The following TRPV1 variants were observed in gnomAD, a reference collection of about 807,000 sequenced individuals.
TRPV1 encodes transient receptor potential cation channel subfamily V member 1.
In TRPV1, 82 loss-of-function variants were observed where a neutral mutation model predicts 82.3. The observed-to-expected ratio is 1.00, with a 90% CI of 0.83 to 1.20. TRPV1 has a LOEUF of 1.20. TRPV1 is among the 50% of genes most tolerant of loss of function. The probability of loss-of-function intolerance (pLI) is 0.00; values close to 1 mark genes in which losing one functional copy is unlikely to be tolerated. For synonymous variants in TRPV1, 515 were observed against 467.7 expected (o/e 1.10, Z -1.30); for missense variants, 1,067 against 1,096.8 (o/e 0.97, Z 0.38).
Position 3,592,340 on chromosome 17 carries a change from C to A in TRPV1, c.11G>T (p.Trp4Leu). The A allele has an allele frequency of 6.3e-7, 1 of 1,592,542 alleles. No homozygotes were observed. Among genetic ancestry groups the A allele is most frequent in the Non-Finnish European group, 8.6e-7 (1 of 1,169,238 alleles). Residue 4 changes from tryptophan to leucine, a missense_variant, in exon 3 of 17, where the codon TGG (tryptophan) becomes TTG (leucine). Physicochemically the swap from Trp to Leu is moderately conservative, Grantham distance 61. Transcript: ENST00000572705. ...AGCTGCCCCCAAGTCTGTGCTGCTC[C>A]ATTTCTTCATCCTTGCTGGATCCTC... is the stretch of plus-strand genomic sequence containing the variant. The part of the protein sequence containing the change: MKK[W>L]SSTDLGAAAD...
At chr17:3,578,452 C>T (rs2074962817) in intron 11 of TRPV1, 1 of 152,246 alleles carries the variant, frequency 6.6e-6, no homozygotes, top group Non-Finnish European at 1.5e-5. Flanking sequence ...GAGTTCAAGA[C>T]CAGCCTGGCC....
chr17:3,587,813 C>CAAAAAAAAA (rs534094662), intron 8 of TRPV1, among the ~76,000 whole-genome samples: 1 of 80,102 alleles, frequency 1.2e-5, no homozygotes, highest in Admixed American at 1.2e-4. Flanking sequence ...AACTTCGTCT[C>CAAAAAAAAA]AAAAAAAAAA....
intron 2 of TRPV1, among the ~76,000 whole-genome samples, chr17:3,599,787 C>T (rs1307944227): frequency 6.6e-6 from 1 of 152,076 alleles, no homozygotes; most frequent in Non-Finnish European, 1.5e-5. Flanking sequence ...TGCCACCACA[C>T]CCAACTAATT....
At position 3,571,602 on chromosome 17, in the gene TRPV1, C is replaced by T. The variant is rs761226552; in HGVS notation, c.2269G>A (p.Val757Met). 5.0e-6 allele frequency: 8 copies of T among 1,612,544 alleles called. No individual in the cohort carries two copies. The highest frequency in any genetic ancestry group is 1.3e-5 in the African/African-American group (1 of 74,910). Residue 757 changes from valine (V) to methionine (M), a missense_variant, in exon 16 of 17, where the codon GTG becomes ATG. By Grantham distance (21) the Val-to-Met change is conservative. Coordinates refer to ENST00000572705, the MANE Select transcript of TRPV1 (RefSeq NM_080704.4). ...CCCGGGTCTTCGTTGATGATGCCCA[C>T]GTTGGTGTTCCAGGTGGTCCAGTTC... is the stretch of plus-strand genomic sequence containing the variant. ...EVNWTTWNTN[V>M]GIINEDPGNC...
intron 16 of TRPV1, among the ~76,000 whole-genome samples, chr17:3,571,011 C>G (rs2074845000): frequency 6.6e-6 from 1 of 152,226 alleles, no homozygotes; most frequent in South Asian, 2.1e-4. Flanking sequence ...GCCACTGTGC[C>G]CGGCCTCCTT....
chr17:3,573,485 G>T, intron 14 of TRPV1, 148 bp downstream of exon 14: 1 of 866,176 alleles, frequency 1.2e-6, no homozygotes, highest in Non-Finnish European at 1.7e-6. Context: ...GTGCCCAGCT[G>T]GGTAAGGCAG....
chr17:3,590,257 T>A lies in TRPV1; in HGVS notation c.740A>T (p.Tyr247Phe), dbSNP rs772319359. The A allele has an allele frequency of 6.2e-7, 1 of 1,613,854 alleles. No individual in the cohort carries two copies. The highest frequency in any genetic ancestry group is 8.5e-7 in the Non-Finnish European group (1 of 1,179,838). The part of the protein sequence containing the change: ...FKKTKGRPGF[Y>F]FGELPLSLAA... The stretch of plus-strand genomic sequence containing the variant: ...CTGCCACACTGTCTCCCTACCGAAG[T>A]AGAATCCAGGCCGCCCTTTGGTTTT... The change falls in exon 6 of 17, where the codon TAC becomes TTC. Residue 247 changes from tyrosine to phenylalanine, a missense_variant. Transcript: ENST00000572705.
At chr17:3,571,878 G>A (rs529467374) in intron 15 of TRPV1, among the ~76,000 whole-genome samples, 2 of 152,228 alleles carry the variant, frequency 1.3e-5, no homozygotes, top group South Asian at 2.1e-4. Context: ...CTCACTAGAC[G>A]GCCCCTTCTG....
intron 16 of TRPV1, 53 bp downstream of exon 16, chr17:3,571,471 C>T: frequency 1.4e-6 from 2 of 1,429,054 alleles, no homozygotes; most frequent in South Asian, 1.2e-5. Context: ...TCCCCCTGCC[C>T]AACATCAGGC....
chr17:3,599,100 G>A (rs537978630), intron 2 of TRPV1, among the ~76,000 whole-genome samples: 3 of 151,780 alleles, frequency 2.0e-5, no homozygotes, highest in Middle Eastern at 3.4e-3. Context: ...TTAGCTGGGC[G>A]TGGTTGTGGG....
chr17:3,568,321 C>CAAAA (rs536064872), intron 16 of TRPV1, among the ~76,000 whole-genome samples: 2 of 88,158 alleles, frequency 2.3e-5, no homozygotes, highest in East Asian at 3.4e-4. Context: ...GACTCCGTCT[C>CAAAA]AAAAAAAAAA....
Position 3,592,048 on chromosome 17 carries a change from G to A in TRPV1, c.284+19C>T, listed in dbSNP as rs754625912. 7 of 1,602,964 alleles carry A rather than the reference G, an allele frequency of 4.4e-6. No individual in the cohort carries two copies. Among genetic ancestry groups the A allele is most frequent in the African/African-American group, 1.3e-5 (1 of 74,738 alleles). On this transcript the variant is annotated intron_variant, in intron 3 of 16. Coordinates refer to ENST00000572705, the MANE Select transcript of TRPV1 (RefSeq NM_080704.4). ...AGCTGGGCTCCCAGCAGGGAGGGGG[G>A]CTCCAGACGCGGACTTACCTGGCAC...
intron 11 of TRPV1, among the ~76,000 whole-genome samples, chr17:3,579,772 G>A (rs931143553): frequency 4.6e-5 from 7 of 152,154 alleles, no homozygotes; most frequent in Non-Finnish European, 7.4e-5. Flanking sequence ...CACTGCGCCC[G>A]GCCATCCAAA....
intron 2 of TRPV1, among the ~76,000 whole-genome samples, chr17:3,593,548 C>T (rs2075188300): frequency 6.6e-6 from 1 of 152,240 alleles, no homozygotes; most frequent in Non-Finnish European, 1.5e-5. Flanking sequence ...GGGTCTCCAC[C>T]TAAGGGCTTT....
intron 8 of TRPV1, among the ~76,000 whole-genome samples, chr17:3,587,180 C>T (rs1289835988): frequency 2.0e-5 from 3 of 152,196 alleles, no homozygotes; most frequent in Non-Finnish European, 4.4e-5. Flanking sequence ...CTATCTGGAC[C>T]TCTCCTCTGG....
rs569447287 is a variant in TRPV1 at position 3,579,600 on chromosome 17, C to T, written c.1547+857G>A. 6.6e-5 allele frequency among the ~76,000 whole-genome samples: 10 copies of T among 152,264 alleles called. No individual in the cohort carries two copies. The South Asian group carries it at 1.7e-3, about 25-fold the overall frequency. On this transcript the variant is annotated intron_variant, in intron 11 of 16. Transcript: ENST00000572705. ...AAACAATTCTCCCACCTCAGCCTCC[C>T]GAGTAGCTGGGATTACAGGTGCGTG... is the stretch of plus-strand genomic sequence containing the variant.
intron 16 of TRPV1, among the ~76,000 whole-genome samples, chr17:3,568,268 GCC>G (rs1283245106): frequency 4.0e-5 from 6 of 149,690 alleles, no homozygotes. Flanking sequence ...CTTGCAGTGA[GCC>G]AAGATTGCGC....
chr17:3,572,036 C>T, intron 15 of TRPV1, 86 bp downstream of exon 15: 1 of 1,531,590 alleles, frequency 6.5e-7, no homozygotes, highest in South Asian at 1.2e-5. Context: ...TGACCAGCCC[C>T]TCATGGAGGC....
At chr17:3,580,623 G>A in intron 10 of TRPV1, 96 bp from the exon 11 acceptor site, 1 of 1,285,876 alleles carries the variant, frequency 7.8e-7, no homozygotes, top group Non-Finnish European at 1.1e-6. Context: ...ATGATGGGGT[G>A]GTCGAATGTG....
Sources: gnomAD v4.1 joint callset for allele counts (sites outside exome capture counted in the v4.1 genomes callset) on GRCh38, gnomAD v4.1.1 for gene constraint, MANE v1.5 for transcripts, NCBI Gene and HGNC (gene_info 2026-07-23, HGNC 2026-07-21) for gene names.